LMNA: variants seen among roughly 807,000 people sequenced by gnomAD.
LMNA encodes lamin A/C.
Under a neutral mutation model 70.4 loss-of-function variants are expected in LMNA, and 20 were observed. The observed-to-expected ratio is 0.28, with a 90% CI of 0.20 to 0.41. The LOEUF (loss-of-function observed/expected upper bound fraction) is 0.41, where lower values mean the gene tolerates loss of function less well. Ranked by LOEUF, LMNA falls within the 10% of genes least tolerant of loss-of-function variation. LMNA has a pLI of 1.00. For missense variants in LMNA, 652 were observed against 917.2 expected (o/e 0.71, Z 3.73); for synonymous variants, 339 against 372.8 (o/e 0.91, Z 1.04).
rs794728602 is a variant in LMNA, at chr1:156,115,168, G to A, written c.250G>A (p.Glu84Lys). ...CGGCATCAAGGCCGCCTACGAGGCC[G>A]AGCTCGGGGATGCCCGCAAGACCCT... ...VSGIKAAYEA[E>K]LGDARKTLDS... The change falls in exon 1 of 12, where the codon GAG becomes AAG. Residue 84 changes from glutamate to lysine, a missense_variant. Glu to Lys is a moderately conservative substitution (Grantham distance 56). Coordinates refer to ENST00000368300, the MANE Select transcript of LMNA (RefSeq NM_170707.4). This position sits in a 1 kb window ranked among gnomAD's most constrained non-coding sequence, Gnocchi z 5.8. 2 of 1,612,402 alleles carry A rather than the reference G, an allele frequency of 1.2e-6. No individual in the cohort carries two copies. The highest frequency in any genetic ancestry group is 1.7e-6 in the Non-Finnish European group (2 of 1,179,432).
At position 156,137,820 on chromosome 1, in the gene LMNA, C is replaced by T; in HGVS notation, c.1698+77C>T. On this transcript the variant is annotated intron_variant, in intron 10 of 11. Transcript: ENST00000368300. This position sits in a 1 kb window ranked among gnomAD's most constrained non-coding sequence, Gnocchi z 4.6. ...GGCCTGGGGGCAGCCTCTCCCCAGC[C>T]TCCCCGTGCCAAAAATCTTTTCATT... 4 of 1,543,292 alleles carry T rather than the reference C, an allele frequency of 2.6e-6. No homozygotes were observed. Among genetic ancestry groups the T allele is most frequent in the African/African-American group, 1.4e-5 (1 of 73,034 alleles).
intron 1 of LMNA, among the ~76,000 whole-genome samples, chr1:156,130,344 G>A (rs555922592): frequency 2.4e-4 from 37 of 152,250 alleles, no homozygotes; most frequent in Non-Finnish European, 4.3e-4. Flanking sequence ...TTCATATCAC[G>A]GGGTAGAGCT....
In LMNA at chr1:156,132,038, A is replaced by AC. The variant is rs776041892; in HGVS notation, c.513+1266dup. Among the ~76,000 whole-genome samples, 140 of 152,120 alleles carry AC rather than the reference A, an allele frequency of 9.2e-4. 1 individual carries two copies. The highest frequency in any genetic ancestry group is 1.2e-3 in the Non-Finnish European group (80 of 67,996). ...TACAAAATTAGCCAGGCGTGGTGGCACACACCTGTAGTCCCAACAACTACT... is the reference window on the plus strand; with the variant it reads ...TACAAAATTAGCCAGGCGTGGTGGCACCACACCTGTAGTCCCAACAACTACT... On this transcript the variant is annotated intron_variant, in intron 2 of 11. Transcript: ENST00000368300.
At chr1:156,095,614 C>G (rs569438020) in intron 3 of LMNA, among the ~76,000 whole-genome samples, 1 of 152,000 alleles carries the variant, frequency 6.6e-6, no homozygotes, top group Non-Finnish European at 1.5e-5. Flanking sequence ...GCCTCGGCCT[C>G]TCAAAGTGCT....
chr1:156,126,619 C>T, intron 1 of LMNA: 1 of 1,021,470 alleles, frequency 9.8e-7, no homozygotes, highest in Non-Finnish European at 1.5e-6. Context: ...CCACCAGGCA[C>T]AGCTCTTCAG....
chr1:156,138,421 G>A lies in LMNA; in HGVS notation c.1699-67G>A. The stretch of plus-strand genomic sequence containing the variant: ...GGCTGGGAGCCTGCAGGAGCCTGGA[G>A]CCTGGTTGGGCCTGAGTGGTCAGTC... On this transcript the variant is annotated intron_variant, in intron 10 of 11. Coordinates refer to ENST00000368300, the MANE Select transcript of LMNA (RefSeq NM_170707.4). The surrounding 1 kb of genome is among the most constrained non-coding windows in gnomAD (Gnocchi z 5.5). 1 of 1,552,116 alleles carries A rather than the reference G, an allele frequency of 6.4e-7. No individual in the cohort carries two copies. Among genetic ancestry groups the A allele is most frequent in the Non-Finnish European group, 8.8e-7 (1 of 1,142,484 alleles).
intron 2 of LMNA, among the ~76,000 whole-genome samples, chr1:156,087,907 C>T (rs557697217): frequency 1.3e-5 from 2 of 150,110 alleles, no homozygotes; most frequent in South Asian, 2.1e-4. Flanking sequence ...GTGTCTCGCT[C>T]GGTCACCAGG....
intron 3 of LMNA, among the ~76,000 whole-genome samples, chr1:156,102,179 C>T (rs1156607902): frequency 6.6e-6 from 1 of 152,218 alleles, no homozygotes; most frequent in Non-Finnish European, 1.5e-5. Context: ...AGGAATGTGC[C>T]TGTGCACCTG....
intron 1 of LMNA, chr1:156,126,479 G>C (rs1572346530): frequency 3.1e-6 from 2 of 651,738 alleles, no homozygotes; most frequent in Non-Finnish European, 5.7e-6. Context: ...GGCTGAGCAG[G>C]GTGACTCAGA....
At chr1:156,117,681 A>C (rs973145973) in intron 1 of LMNA, among the ~76,000 whole-genome samples, 3 of 152,180 alleles carry the variant, frequency 2.0e-5, no homozygotes, top group African/African-American at 7.2e-5. Context: ...GGCAGGCACC[A>C]CCACCCACAG....
chr1:156,095,744 C>T (rs1054046786), intron 3 of LMNA, among the ~76,000 whole-genome samples: 1 of 152,214 alleles, frequency 6.6e-6, no homozygotes, highest in Non-Finnish European at 1.5e-5. Flanking sequence ...AGGCTGCTCC[C>T]CACTCTATTA....
chr1:156,129,939 T>TGAGGCAGGAGGGAGG (rs1432144013), intron 1 of LMNA: 1 of 746,280 alleles, frequency 1.3e-6, no homozygotes, highest in South Asian at 1.4e-5. Flanking sequence ...AGGGCACGGA[T>TGAGGCAGGAGGGAGG]GAGGCAGGAG....
At chr1:156,130,342 A>T (rs1188530998) in intron 1 of LMNA, among the ~76,000 whole-genome samples, 1 of 152,084 alleles carries the variant, frequency 6.6e-6, no homozygotes, top group East Asian at 1.9e-4. Context: ...CATTCATATC[A>T]CGGGGTAGAG....
rs567193586 is a variant in LMNA at position 156,086,851 on chromosome 1, C to G, written c.-318-3620C>G. ...ACGGGGTTTCACCATCTTGACCAGGCTGGTCTCAAACTCCTGACCTCAGGT... is the reference window on the plus strand; with the variant it reads ...ACGGGGTTTCACCATCTTGACCAGGGTGGTCTCAAACTCCTGACCTCAGGT... On this transcript the variant is annotated intron_variant, in intron 2 of 12. Coordinates refer to the LMNA transcript ENST00000368301. 3.4e-3 allele frequency among the ~76,000 whole-genome samples: 521 copies of G among 152,366 alleles called. 4 individuals are homozygous for G. The highest frequency in any genetic ancestry group is 0.012 in the African/African-American group (480 of 41,590).
At chr1:156,091,745 T>A (rs1043286532) in intron 3 of LMNA, among the ~76,000 whole-genome samples, 3 of 152,086 alleles carry the variant, frequency 2.0e-5, no homozygotes, top group Non-Finnish European at 4.4e-5. Flanking sequence ...GATACTCTAC[T>A]GGGGAGGAAG....
At chr1:156,083,225 G>C (rs2102781992) in intron 2 of LMNA, 1 of 152,532 alleles carries the variant, frequency 6.6e-6, no homozygotes, top group Admixed American at 6.5e-5. Flanking sequence ...GAGGGGGTCG[G>C]GAGGGCGGTG....
At position 156,137,729 on chromosome 1, in the gene LMNA, C is replaced by T; in HGVS notation, c.1684C>T (p.Leu562Phe). 1.3e-6 allele frequency: 2 copies of T among 1,551,750 alleles called. No individual in the cohort carries two copies. The highest frequency in any genetic ancestry group is 1.7e-6 in the Non-Finnish European group (2 of 1,147,676). ...DDEDEDGDDL[L>F]HHHHGSHCSS... ...CGAGGATGAGGATGGAGATGACCTG[C>T]TCCATCACCACCACGTGAGTGGTAG... Residue 562 changes from leucine to phenylalanine, a missense_variant, in exon 10 of 12, where the codon CTC becomes TTC. Coordinates refer to ENST00000368300, the MANE Select transcript of LMNA (RefSeq NM_170707.4). The surrounding 1 kb of genome is among the most constrained non-coding windows in gnomAD (Gnocchi z 4.6).
intron 2 of LMNA, 150 bp downstream of exon 2, chr1:156,130,923 A>G: frequency 5.3e-6 from 4 of 749,024 alleles, no homozygotes; most frequent in Admixed American, 2.6e-5. Flanking sequence ...TTACCCACTG[A>G]GGTCACATCT....
At chr1:156,127,355 T>G (rs1157170354) in intron 1 of LMNA, among the ~76,000 whole-genome samples, 2 of 151,912 alleles carry the variant, frequency 1.3e-5, no homozygotes, top group Non-Finnish European at 2.9e-5. Context: ...AGATGGGAGC[T>G]CCCCGTGCCT....
Sources: allele counts gnomAD v4.1 joint callset (sites outside exome capture counted in the v4.1 genomes callset), GRCh38; gene constraint gnomAD v4.1.1; non-coding constraint Gnocchi (gnomAD v3.1); transcripts MANE v1.5; gene names NCBI Gene and HGNC (gene_info 2026-07-23, HGNC 2026-07-21).